DMD: variants seen among roughly 807,000 people sequenced by gnomAD.
DMD encodes dystrophin.
Under a neutral mutation model 330.1 loss-of-function variants are expected in DMD, and 63 were observed. That is an observed-to-expected ratio of 0.19 (90% CI 0.16 to 0.24). The LOEUF (loss-of-function observed/expected upper bound fraction) is 0.24, where lower values mean the gene tolerates loss of function less well. Ranked by LOEUF, DMD falls within the 10% of genes least tolerant of loss-of-function variation. The probability of loss-of-function intolerance (pLI) is 1.00; values close to 1 mark genes in which losing one functional copy is unlikely to be tolerated. For synonymous variants in DMD, 1,223 were observed against 959.8 expected (o/e 1.27, Z -5.07); for missense variants, 3,344 against 2,684.1 (o/e 1.25, Z -5.43).
Position 32,378,225 on chromosome X carries a change from G to A in DMD, c.4845+2285C>T, listed in dbSNP as rs2097911494. On this transcript the variant is annotated intron_variant, in intron 34 of 78. Coordinates refer to ENST00000357033, the MANE Select transcript of DMD (RefSeq NM_004006.3). ...TTAGGAAGCTTGGCGCCAATTTGTG[G>A]CTTTAAAATGTTCCCTGTCCATTCC... is the stretch of plus-strand genomic sequence containing the variant. Among the ~76,000 whole-genome samples the A allele has an allele frequency of 2.7e-5, 3 of 109,737 alleles. No homozygotes were observed. The South Asian group carries it at 1.1e-3, about 42-fold the overall frequency.
At chrX:32,128,643 A>C (rs2096673078) in intron 44 of DMD, among the ~76,000 whole-genome samples, 1 of 111,978 alleles carries the variant, frequency 8.9e-6, no homozygotes, top group Non-Finnish European at 1.9e-5. Flanking sequence ...GTTCTGGAGA[A>C]ATTTTCATGA....
intron 61 of DMD, among the ~76,000 whole-genome samples, chrX:31,347,573 C>A (rs906389888): frequency 1.8e-5 from 2 of 112,352 alleles, no homozygotes; most frequent in African/African-American, 6.5e-5. Flanking sequence ...GACATGGTTT[C>A]ATTCTTGCAG....
intron 44 of DMD, among the ~76,000 whole-genome samples, chrX:32,101,868 G>A (rs1007052170): frequency 1.8e-5 from 2 of 111,343 alleles, no homozygotes; most frequent in Admixed American, 1.9e-4. Context: ...TGCATCATGA[G>A]GGCTCTGCCC....
intron 76 of DMD, among the ~76,000 whole-genome samples, chrX:31,138,686 A>AGAGAGAGAGTGT: frequency 1.1e-5 from 1 of 87,472 alleles, no homozygotes; most frequent in African/African-American, 4.6e-5. Context: ...AGAGAGAGAG[A>AGAGAGAGAGTGT]GAAGGGGGAA....
intron 74 of DMD, among the ~76,000 whole-genome samples, chrX:31,167,620 G>A (rs763978299): frequency 8.9e-6 from 1 of 111,787 alleles, no homozygotes; most frequent in Non-Finnish European, 1.9e-5. Context: ...AACATAAATG[G>A]ATATTACTGA....
chrX:32,566,769 T>A (rs751533645), intron 15 of DMD, among the ~76,000 whole-genome samples: 1 of 111,705 alleles, frequency 9.0e-6, no homozygotes, highest in East Asian at 2.8e-4. Flanking sequence ...ACTCAGTAAC[T>A]TTGCCTGATA....
chrX:31,966,250 T>G (rs1404499420), intron 45 of DMD, among the ~76,000 whole-genome samples: 3 of 106,491 alleles, frequency 2.8e-5, no homozygotes, highest in Non-Finnish European at 5.8e-5. Flanking sequence ...TATAATTAAT[T>G]GTTAGGTTAA....
chrX:33,009,492 G>A lies in DMD; in HGVS notation c.93+10647C>T, dbSNP rs1265105757. On this transcript the variant is annotated intron_variant, in intron 2 of 78. Coordinates refer to ENST00000357033, the MANE Select transcript of DMD (RefSeq NM_004006.3). ...TGTGTGTATGTGTATACACATGTGT[G>A]TATATGTATATGTGTATATACACAT... Among the ~76,000 whole-genome samples, 17 of 85,450 alleles carry A rather than the reference G, an allele frequency of 2.0e-4. 1 individual carries two copies. The highest frequency in any genetic ancestry group is 8.1e-4 in the African/African-American group (17 of 21,034). The allele number at this position is 85,450 out of a possible 115,157, so 74.2% of individuals were successfully genotyped here. A position where few individuals can be genotyped will look rare whatever the true frequency, so the allele number is the denominator to read the frequency against.
chrX:31,821,017 A>G (rs1042049906), intron 49 of DMD, among the ~76,000 whole-genome samples: 10 of 112,749 alleles, frequency 8.9e-5, no homozygotes, highest in Non-Finnish European at 1.7e-4. Flanking sequence ...TAGCTATACG[A>G]TAATTTATAG....
chrX:32,221,522 TC>T (rs1238322133), intron 43 of DMD, among the ~76,000 whole-genome samples: 2 of 112,054 alleles, frequency 1.8e-5, no homozygotes, highest in African/African-American at 6.5e-5. Flanking sequence ...TATATAAATT[TC>T]TTTTTTTACA....
chrX:32,083,737 T>C (rs1473125882), intron 44 of DMD, among the ~76,000 whole-genome samples: 6 of 112,613 alleles, frequency 5.3e-5, no homozygotes, highest in Non-Finnish European at 1.9e-5. Context: ...CACAAATCTG[T>C]TCCAGTACTT....
chrX:31,724,654 C>T (rs1307184275), intron 52 of DMD, among the ~76,000 whole-genome samples: 3 of 111,970 alleles, frequency 2.7e-5, no homozygotes. Flanking sequence ...CCACATTATA[C>T]ACCCTTCATA....
rs1740735633 is a variant in DMD at position 32,644,294 on chromosome X, G to A, written c.1169C>T (p.Thr390Ile). Residue 390 changes from threonine (T) to isoleucine (I), a missense_variant, in exon 11 of 79, where the codon ACA becomes ATA. Transcript: ENST00000357033. ...ATTACCAACCCGGCCCTGATGGGCT[G>A]TCAAATCCATCATGTACCCCTGACA... Reference protein sequence around the residue: ...HTHEGYMMDLTAHQGRVGNIL... With the variant: ...HTHEGYMMDLIAHQGRVGNIL... 2.5e-6 allele frequency: 3 copies of A among 1,210,643 alleles called. No homozygotes were observed. Among genetic ancestry groups the A allele is most frequent in the Non-Finnish European group, 3.4e-6 (3 of 894,792 alleles).
At chrX:31,386,552 T>G (rs1180626539) in intron 60 of DMD, among the ~76,000 whole-genome samples, 1 of 111,862 alleles carries the variant, frequency 8.9e-6, no homozygotes, top group Non-Finnish European at 1.9e-5. Context: ...TTTCTTCATA[T>G]GGGAGGGAGG....
intron 43 of DMD, among the ~76,000 whole-genome samples, chrX:32,252,881 T>TATATATATAAAA (rs2097280826): frequency 1.3e-5 from 1 of 75,497 alleles, no homozygotes; most frequent in African/African-American, 6.3e-5. Flanking sequence ...TATATAAAAA[T>TATATATATAAAA]ATATATAAAT....
At chrX:32,778,480 C>G (rs978617610) in intron 7 of DMD, among the ~76,000 whole-genome samples, 4 of 111,278 alleles carry the variant, frequency 3.6e-5, no homozygotes, top group African/African-American at 1.3e-4. Flanking sequence ...ACTGTTGTAA[C>G]ATATTCCCAA....
chrX:31,190,825 T>C (rs1305435305), intron 67 of DMD, among the ~76,000 whole-genome samples: 1 of 110,891 alleles, frequency 9.0e-6, no homozygotes, highest in African/African-American at 3.3e-5. Flanking sequence ...GAAATCCACA[T>C]TGATTCATCA....
At chrX:31,337,236 A>G (rs1042736840) in intron 61 of DMD, among the ~76,000 whole-genome samples, 3 of 110,280 alleles carry the variant, frequency 2.7e-5, no homozygotes. Flanking sequence ...GTTATTCTTC[A>G]TGCCTCTCTG....
At chrX:32,735,836 C>G (rs1034299650) in intron 7 of DMD, among the ~76,000 whole-genome samples, 4 of 111,653 alleles carry the variant, frequency 3.6e-5, no homozygotes, top group African/African-American at 1.3e-4. Flanking sequence ...TAGGCATTAC[C>G]ATTCAGGACA....
Sources: allele counts gnomAD v4.1 joint callset (sites outside exome capture counted in the v4.1 genomes callset), GRCh38; gene constraint gnomAD v4.1.1; transcripts MANE v1.5; gene names NCBI Gene and HGNC (gene_info 2026-07-23, HGNC 2026-07-21).